The following AFF3 variants were observed in gnomAD, a reference collection of about 807,000 sequenced individuals.
The protein encoded by AFF3 is ALF transcription elongation factor 3, also known as AF4/FMR2 family member 3.
In AFF3, 32 loss-of-function variants were observed where a neutral mutation model predicts 129.7. That is an observed-to-expected ratio of 0.25 (90% confidence interval 0.19 to 0.33). The LOEUF is 0.33. Ranked by LOEUF, AFF3 falls within the 10% of genes least tolerant of loss-of-function variation. The pLI is 1.00. For missense variants in AFF3, 1,373 were observed against 1,592.0 expected (o/e 0.86, Z 2.34); for synonymous variants, 644 against 635.4 (o/e 1.01, Z -0.20).
At chr2:100,064,115 GAAAA>G (rs1687526962) in intron 4 of AFF3, among the ~76,000 whole-genome samples, 1 of 151,046 alleles carries the variant, frequency 6.6e-6, no homozygotes, top group Non-Finnish European at 1.5e-5. Flanking sequence ...GAAAAGAAAA[GAAAA>G]GAAAAGAAAA....
chr2:99,756,698 G>T (rs1219007677), intron 8 of AFF3, among the ~76,000 whole-genome samples: 5 of 152,080 alleles, frequency 3.3e-5, no homozygotes, highest in Non-Finnish European at 7.4e-5. Flanking sequence ...TCCTCCAGCT[G>T]ATCTTCATTT....
At chr2:99,637,976 G>A (rs368765544) in intron 13 of AFF3, among the ~76,000 whole-genome samples, 26 of 152,118 alleles carry the variant, frequency 1.7e-4, no homozygotes, top group East Asian at 1.5e-3. Flanking sequence ...TTATAGCTTA[G>A]TGATTTCAAT....
rs1383780555 is a variant in AFF3, at chr2:100,008,382, C to T, written c.174+430G>A. Among the ~76,000 whole-genome samples the T allele has an allele frequency of 2.0e-5, 3 of 152,176 alleles. No individual in the cohort carries two copies. In the East Asian group the frequency reaches 5.8e-4, roughly 29 times the overall value. On this transcript the variant is annotated intron_variant, in intron 5 of 24. Coordinates refer to ENST00000672756, the MANE Select transcript of AFF3 (RefSeq NM_001386135.1). Reference sequence around the variant, plus strand: ...GGTAAAAATGAGAAATAATCTTAGACTTTCTTTCTCATTAGCCCTAACAGG... The same window carrying T: ...GGTAAAAATGAGAAATAATCTTAGATTTTCTTTCTCATTAGCCCTAACAGG...
In AFF3 at chr2:100,007,204, C is replaced by T. The variant is rs773979195; in HGVS notation, c.431G>A (p.Gly144Asp). ...CCCAGCCTTCTGCCAGCCCATAGTG[C>T]CTCTCTTACTCTGCTGCACGGGGAC... ...AAVPVQQSKRGTMGWQKAGHP... is the reference protein window; with the variant it reads ...AAVPVQQSKRDTMGWQKAGHP... Residue 144 changes from glycine (G) to aspartate (D), a missense_variant, in exon 6 of 25, where the codon GGC (glycine) becomes GAC (aspartate). Around this residue, in one of 9 missense-constraint regions of AFF3, gnomAD observed 255 missense variants for 256.0 expected, o/e 1.00. Transcript: ENST00000672756. 2.5e-6 allele frequency: 4 copies of T among 1,614,010 alleles called. No homozygotes were observed. In the Admixed American group the frequency reaches 6.7e-5, roughly 27 times the overall value.
At chr2:100,024,109 G>A (rs915622911) in intron 4 of AFF3, among the ~76,000 whole-genome samples, 6 of 151,468 alleles carry the variant, frequency 4.0e-5, no homozygotes, top group Non-Finnish European at 8.8e-5. Context: ...GCGGGCGCCT[G>A]TAGTCCCAGC....
At chr2:99,817,676 G>A (rs911205314) in intron 8 of AFF3, among the ~76,000 whole-genome samples, 2 of 152,122 alleles carry the variant, frequency 1.3e-5, no homozygotes, top group Non-Finnish European at 2.9e-5. Context: ...TGCATGCCAC[G>A]GTGCCCAGCC....
intron 7 of AFF3, among the ~76,000 whole-genome samples, chr2:99,930,803 C>G (rs759613611): frequency 2.6e-5 from 4 of 152,186 alleles, no homozygotes; most frequent in Middle Eastern, 3.2e-3. Flanking sequence ...TCCCCAAACA[C>G]AAGCTCAAAA....
chr2:99,860,183 G>A (rs1690869132), intron 7 of AFF3, among the ~76,000 whole-genome samples: 1 of 152,166 alleles, frequency 6.6e-6, no homozygotes, highest in Admixed American at 6.5e-5. Flanking sequence ...CTGGGAGGCT[G>A]AGGCGGGAGG....
intron 11 of AFF3, among the ~76,000 whole-genome samples, chr2:99,679,415 C>T (rs58005556): frequency 0.07 from 10,629 of 152,130 alleles, 438 homozygotes; most frequent in East Asian, 0.1. Context: ...ATCCACTTGC[C>T]ACCTTCTCTG....
At chr2:99,632,186 C>T (rs116204124) in intron 13 of AFF3, among the ~76,000 whole-genome samples, 17,846 of 151,558 alleles carry the variant, frequency 0.12, 1,123 homozygotes, top group East Asian at 0.16. Context: ...AGGCTAATTT[C>T]TGTATTTTTG....
At chr2:100,000,758 T>G (rs1681326955) in intron 7 of AFF3, among the ~76,000 whole-genome samples, 2 of 152,178 alleles carry the variant, frequency 1.3e-5, no homozygotes, top group African/African-American at 4.8e-5. Context: ...ATAAGGAAAC[T>G]GAGGCCCTGA....
At chr2:99,957,821 G>T (rs1423825572) in intron 7 of AFF3, among the ~76,000 whole-genome samples, 2 of 152,198 alleles carry the variant, frequency 1.3e-5, no homozygotes, top group African/African-American at 4.8e-5. Context: ...CAGAGGAGCA[G>T]GGGGTCTCTG....
intron 11 of AFF3, among the ~76,000 whole-genome samples, chr2:99,709,089 G>A (rs1412310394): frequency 6.6e-6 from 1 of 152,182 alleles, no homozygotes; most frequent in Non-Finnish European, 1.5e-5. Context: ...GAAAAAGTAT[G>A]GGCTCTAGGC....
intron 11 of AFF3, among the ~76,000 whole-genome samples, chr2:99,688,118 A>G (rs1675251564): frequency 6.6e-6 from 1 of 152,184 alleles, no homozygotes; most frequent in South Asian, 2.1e-4. Context: ...CTGGGATTAC[A>G]GGTGTGAGCC....
At chr2:99,835,161 C>T (rs1336524882) in intron 8 of AFF3, among the ~76,000 whole-genome samples, 1 of 152,200 alleles carries the variant, frequency 6.6e-6, no homozygotes, top group Non-Finnish European at 1.5e-5. Flanking sequence ...CCTCTTGCTT[C>T]TCCTTTTCCC....
At chr2:99,734,102 T>A (rs1422971830) in intron 10 of AFF3, among the ~76,000 whole-genome samples, 1 of 152,210 alleles carries the variant, frequency 6.6e-6, no homozygotes, top group Non-Finnish European at 1.5e-5. Context: ...CTTAACGTAT[T>A]TCAATAGTTT....
At chr2:99,589,593 G>A (rs973653114) in intron 15 of AFF3, among the ~76,000 whole-genome samples, 3 of 151,928 alleles carry the variant, frequency 2.0e-5, no homozygotes, top group Admixed American at 2.0e-4. Context: ...TAGAGACAGG[G>A]TTTCACCATG....
At chr2:99,991,732 G>C (rs1386603822) in intron 7 of AFF3, among the ~76,000 whole-genome samples, 1 of 151,934 alleles carries the variant, frequency 6.6e-6, no homozygotes, top group South Asian at 2.1e-4. Flanking sequence ...GTGAAACCCC[G>C]TGTCTACTAA....
intron 15 of AFF3, among the ~76,000 whole-genome samples, chr2:99,588,279 T>C (rs1046373020): frequency 1.3e-5 from 2 of 152,014 alleles, no homozygotes; most frequent in Non-Finnish European, 2.9e-5. Context: ...CAGGCTCAGG[T>C]GATCCTCCCG....
Sources: gnomAD v4.1 joint callset for allele counts (sites outside exome capture counted in the v4.1 genomes callset) on GRCh38, gnomAD v4.1.1 for gene constraint, gnomAD v4.1.1 regional missense constraint, MANE v1.5 for transcripts, NCBI Gene and HGNC (gene_info 2026-07-23, HGNC 2026-07-21) for gene names.